The following AKAP13 variants were observed in gnomAD, a reference collection of about 807,000 sequenced individuals.
AKAP13 encodes the protein A-kinase anchor protein 13.
In AKAP13, 80 loss-of-function variants were observed where a neutral mutation model predicts 264.5. The observed-to-expected ratio is 0.30, with a 90% CI of 0.25 to 0.36. The LOEUF is 0.36. Ranked by LOEUF, AKAP13 falls within the 10% of genes least tolerant of loss-of-function variation. The pLI, the probability that AKAP13 is intolerant of heterozygous loss-of-function variation, is 1.00. For synonymous variants in AKAP13, 1,380 were observed against 1,250.2 expected, an observed-to-expected ratio of 1.10 and a Z score of -2.19; for missense variants, 3,712 against 3,435.2, an observed-to-expected ratio of 1.08 and a Z score of -2.01.
chr15:85,469,924 A>G (rs1011621201), intron 1 of AKAP13, among the ~76,000 whole-genome samples: 1 of 152,116 alleles, frequency 6.6e-6, no homozygotes, highest in Non-Finnish European at 1.5e-5. Context: ...CTTTTTCTCA[A>G]CCTCTCGCTA....
At chr15:85,464,510 TATC>T (rs762690415) in intron 1 of AKAP13, among the ~76,000 whole-genome samples, 2 of 152,230 alleles carry the variant, frequency 1.3e-5, no homozygotes, top group Admixed American at 6.5e-5. Context: ...ATTTTGGTTT[TATC>T]ATAGCCAGTT....
Position 85,575,126 on chromosome 15 carries a change from T to G in AKAP13, c.663-5T>G. On this transcript the variant is annotated splice_region_variant and splice_polypyrimidine_tract_variant and intron_variant, in intron 5 of 36. Coordinates refer to ENST00000394518, the MANE Select transcript of AKAP13 (RefSeq NM_007200.5). ...TATATATTAACCAGAGATGCTTGCA[T>G]GTAGGGAGAATGCTGGAGAACCAGA... 1 of 1,613,644 alleles carries G rather than the reference T, an allele frequency of 6.2e-7. No homozygotes were observed. Among genetic ancestry groups the G allele is most frequent in the Non-Finnish European group, 8.5e-7 (1 of 1,179,632 alleles).
intron 10 of AKAP13, 96 bp downstream of exon 10, chr15:85,646,050 C>A: frequency 6.8e-7 from 1 of 1,479,052 alleles, no homozygotes; most frequent in Non-Finnish European, 9.1e-7. Flanking sequence ...CCCTCTTGTG[C>A]TCTCCTGTTT....
At chr15:85,623,381 G>C (rs1456819417) in intron 8 of AKAP13, among the ~76,000 whole-genome samples, 1 of 152,188 alleles carries the variant, frequency 6.6e-6, no homozygotes, top group African/African-American at 2.4e-5. Flanking sequence ...TTGTGAGCCT[G>C]TCACTTTGGT....
intron 30 of AKAP13, among the ~76,000 whole-genome samples, chr15:85,731,859 A>C (rs1343167048): frequency 6.6e-6 from 1 of 152,090 alleles, no homozygotes; most frequent in Non-Finnish European, 1.5e-5. Flanking sequence ...AGGCAAGTGG[A>C]TCACCTGAGG....
Position 85,668,520 on chromosome 15 carries a change from C to T in AKAP13, c.4993-1202C>T, listed in dbSNP as rs77269392. ...AGTTAAATTATCAAATTTCAGTTACCTTTACGTTCATGTAGAATCACTATC... is the reference window on the plus strand; with the variant it reads ...AGTTAAATTATCAAATTTCAGTTACTTTTACGTTCATGTAGAATCACTATC... On this transcript the variant is annotated intron_variant, in intron 13 of 36. Coordinates refer to ENST00000394518, the MANE Select transcript of AKAP13 (RefSeq NM_007200.5). Among the ~76,000 whole-genome samples, 264 of 152,268 alleles carry T rather than the reference C, an allele frequency of 1.7e-3. 1 individual carries two copies. Among genetic ancestry groups the T allele is most frequent in the African/African-American group, 6.1e-3 (252 of 41,540 alleles).
chr15:85,562,691 CTTTTTTTTT>C (rs10598092), intron 5 of AKAP13, among the ~76,000 whole-genome samples: 5 of 100,520 alleles, frequency 5.0e-5, no homozygotes, highest in Non-Finnish European at 9.3e-5. Context: ...CTTTTCTTTT[CTTTTTTTTT>C]TTTTTTTTTT....
chr15:85,556,689 C>G (rs1315901247), intron 5 of AKAP13, among the ~76,000 whole-genome samples: 1 of 152,210 alleles, frequency 6.6e-6, no homozygotes, highest in Non-Finnish European at 1.5e-5. Flanking sequence ...GCTACACTGG[C>G]TGTAACCTCC....
Position 85,575,289 on chromosome 15 carries a change from G to T in AKAP13, c.821G>T (p.Gly274Val), listed in dbSNP as rs1348170390. ...CCATTTCCTGGAGACGGTTGCACTGGACCAATTTTTAAACTTATGAACATC... is the reference window on the plus strand; with the variant it reads ...CCATTTCCTGGAGACGGTTGCACTGTACCAATTTTTAAACTTATGAACATC... ...EHPFPGDGCT[G>V]PIFKLMNIQQ... Residue 274 changes from glycine to valine, a missense_variant, in exon 6 of 37, where the codon GGA (glycine) becomes GTA (valine). By Grantham distance (109) the Gly-to-Val change is moderately radical. Transcript: ENST00000394518. The T allele has an allele frequency of 6.2e-7, 1 of 1,613,988 alleles. No homozygotes were observed. The highest frequency in any genetic ancestry group is 1.3e-5 in the African/African-American group (1 of 74,888).
At chr15:85,468,016 T>C (rs552674062) in intron 1 of AKAP13, among the ~76,000 whole-genome samples, 17 of 152,360 alleles carry the variant, frequency 1.1e-4, no homozygotes, top group African/African-American at 4.1e-4. Context: ...GTCTCAATAA[T>C]GTGAAAGAAC....
At chr15:85,537,266 A>C (rs1032997890) in intron 4 of AKAP13, among the ~76,000 whole-genome samples, 1 of 152,240 alleles carries the variant, frequency 6.6e-6, no homozygotes, top group Non-Finnish European at 1.5e-5. Context: ...GTTGCACATA[A>C]ATACTTTTAA....
At chr15:85,627,587 C>T (rs564386357) in intron 8 of AKAP13, 36 of 152,322 alleles carry the variant, frequency 2.4e-4, no homozygotes, top group African/African-American at 8.7e-4. Flanking sequence ...TTGACAGGGT[C>T]CACCCTTGTT....
intron 5 of AKAP13, among the ~76,000 whole-genome samples, chr15:85,550,604 C>T (rs1172806705): frequency 1.3e-5 from 2 of 152,214 alleles, no homozygotes; most frequent in South Asian, 2.1e-4. Flanking sequence ...GATTCCTCTT[C>T]AGGTACTTGA....
intron 2 of AKAP13, among the ~76,000 whole-genome samples, chr15:85,495,173 G>T (rs2075835638): frequency 1.3e-5 from 2 of 152,140 alleles, no homozygotes; most frequent in South Asian, 4.1e-4. Context: ...ATTAGCTCTG[G>T]ATCAGTGAGA....
intron 1 of AKAP13, among the ~76,000 whole-genome samples, chr15:85,422,240 AC>A (rs780844989): frequency 2.0e-4 from 30 of 152,194 alleles, no homozygotes; most frequent in Admixed American, 1.2e-3. Context: ...GGGTGCTGTT[AC>A]GAGATTTGAG....
chr15:85,673,138 T>C (rs993305789), intron 14 of AKAP13, among the ~76,000 whole-genome samples: 13 of 152,224 alleles, frequency 8.5e-5, no homozygotes, highest in Admixed American at 2.0e-4. Context: ...AGAATGTCTT[T>C]TGTTGGGTCA....
chr15:85,543,431 G>T (rs542625076), intron 4 of AKAP13, among the ~76,000 whole-genome samples: 1 of 152,312 alleles, frequency 6.6e-6, no homozygotes, highest in East Asian at 1.9e-4. Context: ...GTAAAAGAAC[G>T]TGTGTATGGG....
chr15:85,735,636 T>G lies in AKAP13; in HGVS notation c.7512+6T>G, dbSNP rs1490494145. The G allele has an allele frequency of 6.2e-7, 1 of 1,610,952 alleles. No homozygotes were observed. Among genetic ancestry groups the G allele is most frequent in the South Asian group, 1.1e-5 (1 of 89,862 alleles). On this transcript the variant is annotated splice_donor_region_variant and intron_variant, in intron 32 of 36. Transcript: ENST00000394518. ...CAGATAGTGGCCTAAAAAAGGTATTTCTCTTTAAAATACACCATGAACCTC... is the reference window on the plus strand; with the variant it reads ...CAGATAGTGGCCTAAAAAAGGTATTGCTCTTTAAAATACACCATGAACCTC...
chr15:85,556,300 A>G (rs868042922), intron 5 of AKAP13, among the ~76,000 whole-genome samples: 3 of 152,224 alleles, frequency 2.0e-5, no homozygotes, highest in Non-Finnish European at 2.9e-5. Flanking sequence ...ATACTTTTAT[A>G]TGACTGGCAG....
Sources: allele counts gnomAD v4.1 joint callset (sites outside exome capture counted in the v4.1 genomes callset), GRCh38; gene constraint gnomAD v4.1.1; transcripts MANE v1.5; gene names NCBI Gene and HGNC (gene_info 2026-07-23, HGNC 2026-07-21).